F13A1: variants seen among roughly 807,000 people sequenced by gnomAD.
F13A1 encodes coagulation factor XIII A chain.
In F13A1, 47 loss-of-function variants were observed where a neutral mutation model predicts 80.1. The observed-to-expected ratio is 0.59, with a 90% CI of 0.46 to 0.75. The LOEUF is 0.75. Ranked by LOEUF, F13A1 falls within the 30% of genes least tolerant of loss-of-function variation. F13A1 has a pLI of 0.00. For synonymous variants in F13A1, 349 were observed against 344.9 expected (o/e 1.01, Z -0.13); for missense variants, 817 against 930.4 (o/e 0.88, Z 1.59).
Position 6,162,400 on chromosome 6 carries a change from T to C in F13A1, c.1908+5058A>G, listed in dbSNP as rs1438215348. The stretch of plus-strand genomic sequence containing the variant: ...TACTGGTTGAACGTTATCTGTTCAT[T>C]GGAGACCATTCATCTTTCTACAGTC... On this transcript the variant is annotated intron_variant, in intron 13 of 14. Coordinates refer to ENST00000264870, the MANE Select transcript of F13A1 (RefSeq NM_000129.4). The surrounding 1 kb of genome is among the most constrained non-coding windows in gnomAD (Gnocchi z 4.2). Among the ~76,000 whole-genome samples, 2 of 152,232 alleles carry C rather than the reference T, an allele frequency of 1.3e-5. No homozygotes were observed. The highest frequency in any genetic ancestry group is 1.9e-4 in the East Asian group (1 of 5,202).
chr6:6,217,803 C>A (rs1184283964), intron 8 of F13A1, among the ~76,000 whole-genome samples: 1 of 152,176 alleles, frequency 6.6e-6, no homozygotes, highest in Non-Finnish European at 1.5e-5. Flanking sequence ...TAGGATTATA[C>A]ACTGATTAGG....
At chr6:6,289,547 A>G (rs1758193067) in intron 3 of F13A1, among the ~76,000 whole-genome samples, 1 of 152,138 alleles carries the variant, frequency 6.6e-6, no homozygotes. Flanking sequence ...CTCATGCAGC[A>G]TCCATTTATC....
rs181949512 is a variant in F13A1 at position 6,209,512 on chromosome 6, A to G, written c.1113-12186T>C. Among the ~76,000 whole-genome samples, 154 of 152,320 alleles carry G rather than the reference A, an allele frequency of 1.0e-3. 2 individuals carry two copies. The highest frequency in any genetic ancestry group is 3.4e-3 in the African/African-American group (142 of 41,566). On this transcript the variant is annotated intron_variant, in intron 8 of 14. Transcript: ENST00000264870. ...TCCACTCTAAATATATGCCCATGAG[A>G]AATAAAAAACATATGTTCACATAAA...
intron 3 of F13A1, among the ~76,000 whole-genome samples, chr6:6,297,616 T>C (rs1248875555): frequency 1.4e-4 from 21 of 148,822 alleles, no homozygotes; most frequent in African/African-American, 3.1e-4. Flanking sequence ...TTTTTTATTG[T>C]GTCTATTTGA....
At chr6:6,199,157 T>A (rs750582194) in intron 8 of F13A1, among the ~76,000 whole-genome samples, 2 of 152,230 alleles carry the variant, frequency 1.3e-5, no homozygotes, top group African/African-American at 4.8e-5. Context: ...AAAACCCTCA[T>A]GGATGTTAAC....
In F13A1 at chr6:6,213,170, T is replaced by A. The variant is rs1561656791; in HGVS notation, c.1112+8863A>T. Among the ~76,000 whole-genome samples the A allele has an allele frequency of 2.0e-5, 3 of 151,978 alleles. 1 individual carries two copies. The highest frequency in any genetic ancestry group is 3.8e-4 in the East Asian group (2 of 5,198). ...CAGGCCAACGTTCAGATTCAGGAAA[T>A]ACAGAGAACACCACAAAGATACTCC... On this transcript the variant is annotated intron_variant, in intron 8 of 14. Transcript: ENST00000264870.
At chr6:6,299,990 C>T (rs1234845198) in intron 3 of F13A1, among the ~76,000 whole-genome samples, 1 of 147,228 alleles carries the variant, frequency 6.8e-6, no homozygotes, top group East Asian at 1.9e-4. Context: ...AGCTGCAGGT[C>T]TGTTGGAGTA....
chr6:6,174,524 G>T, intron 12 of F13A1, 56 bp downstream of exon 12: 1 of 1,590,146 alleles, frequency 6.3e-7, no homozygotes, highest in Non-Finnish European at 8.6e-7. Context: ...TTAACACCTA[G>T]CAAGACAGGG....
chr6:6,184,942 G>A (rs565960606), intron 10 of F13A1, among the ~76,000 whole-genome samples: 1 of 152,286 alleles, frequency 6.6e-6, no homozygotes, highest in East Asian at 1.9e-4. Context: ...GTTTCGGCCT[G>A]TAGTGGAATG....
chr6:6,200,550 A>G (rs755823451), intron 8 of F13A1, among the ~76,000 whole-genome samples: 2 of 90,076 alleles, frequency 2.2e-5, no homozygotes, highest in Admixed American at 1.0e-4. Context: ...GACCCTGTCT[A>G]AAAAAAAAAA....
At chr6:6,246,667 T>A (rs1396682510) in intron 6 of F13A1, among the ~76,000 whole-genome samples, 1 of 152,220 alleles carries the variant, frequency 6.6e-6, no homozygotes. Context: ...ATTCAATAAT[T>A]AACAGCTTCC....
At chr6:6,262,248 C>T (rs1189383666) in intron 4 of F13A1, among the ~76,000 whole-genome samples, 2 of 151,486 alleles carry the variant, frequency 1.3e-5, no homozygotes, top group African/African-American at 2.4e-5. Flanking sequence ...GCGTGGTGAC[C>T]CTCCAGGTGA....
intron 14 of F13A1, among the ~76,000 whole-genome samples, chr6:6,146,982 G>C (rs959137211): frequency 1.1e-4 from 16 of 152,184 alleles, no homozygotes; most frequent in Non-Finnish European, 2.2e-4. Flanking sequence ...CCATAAAAAG[G>C]AATGAAACAA....
At chr6:6,195,908 GGT>G in intron 9 of F13A1, 23 bp from the exon 10 acceptor site, 1 of 1,609,588 alleles carries the variant, frequency 6.2e-7, no homozygotes, top group East Asian at 2.2e-5. Context: ...GAGGAAGGGC[GGT>G]GTGAGTTTGT....
At chr6:6,294,988 T>C (rs1758299821) in intron 3 of F13A1, among the ~76,000 whole-genome samples, 1 of 146,362 alleles carries the variant, frequency 6.8e-6, no homozygotes, top group Non-Finnish European at 1.5e-5. Context: ...AGTGAGAATA[T>C]GCGGTGTTTG....
At chr6:6,236,227 T>C (rs1757412077) in intron 6 of F13A1, among the ~76,000 whole-genome samples, 2 of 152,118 alleles carry the variant, frequency 1.3e-5, no homozygotes, top group Non-Finnish European at 2.9e-5. Flanking sequence ...TTGATTTTAG[T>C]GTTCGTTTCA....
chr6:6,148,213 C>T (rs115158386), intron 14 of F13A1, among the ~76,000 whole-genome samples: 3,257 of 152,310 alleles, frequency 0.021, 49 homozygotes, highest in Middle Eastern at 0.041. Context: ...AGTTAAGAGT[C>T]TGTGGAGGTG....
intron 14 of F13A1, among the ~76,000 whole-genome samples, chr6:6,147,797 G>A (rs146803690): frequency 6.6e-6 from 1 of 152,334 alleles, no homozygotes; most frequent in Admixed American, 6.5e-5. Context: ...CATACATGAA[G>A]ATACGTATGC....
intron 10 of F13A1, among the ~76,000 whole-genome samples, chr6:6,185,769 C>T (rs1761071287): frequency 2.0e-5 from 3 of 151,996 alleles, no homozygotes; most frequent in Admixed American, 6.5e-5. Flanking sequence ...ATGGTATTTC[C>T]AGTTCTAGAT....
Sources: gnomAD v4.1 joint callset for allele counts (sites outside exome capture counted in the v4.1 genomes callset) on GRCh38, gnomAD v4.1.1 for gene constraint, Gnocchi (gnomAD v3.1) non-coding constraint, MANE v1.5 for transcripts, NCBI Gene and HGNC (gene_info 2026-07-23, HGNC 2026-07-21) for gene names.